ZEB1: variants seen among roughly 807,000 people sequenced by gnomAD.
The protein encoded by ZEB1 is zinc finger E-box binding homeobox 1.
In ZEB1, 21 loss-of-function variants were observed where a neutral mutation model predicts 84.9. The ratio of observed to expected loss-of-function variants is 0.25; its 90% CI spans 0.18 to 0.36. The LOEUF is 0.36. Ranked by LOEUF, ZEB1 falls within the 10% of genes least tolerant of loss-of-function variation. The pLI, the probability that ZEB1 is intolerant of heterozygous loss-of-function variation, is 1.00. For synonymous variants in ZEB1, 420 were observed against 471.1 expected (o/e 0.89, Z 1.41); for missense variants, 1,104 against 1,330.2 (o/e 0.83, Z 2.65).
chr10:31,397,096 A>G (rs1320973028), intron 1 of ZEB1, among the ~76,000 whole-genome samples: 1 of 147,128 alleles, frequency 6.8e-6, no homozygotes, highest in African/African-American at 2.5e-5. Flanking sequence ...GCTCACTGCA[A>G]CCTCCACCTC....
At chr10:31,425,492 A>G (rs2056810632) in intron 1 of ZEB1, among the ~76,000 whole-genome samples, 1 of 152,106 alleles carries the variant, frequency 6.6e-6, no homozygotes, top group Non-Finnish European at 1.5e-5. Context: ...TAGACAACAA[A>G]GGTTAGAGAA....
At chr10:31,454,210 C>T (rs942672452) in intron 1 of ZEB1, among the ~76,000 whole-genome samples, 2 of 152,044 alleles carry the variant, frequency 1.3e-5, no homozygotes, top group African/African-American at 4.8e-5. Context: ...AATTCAACAC[C>T]CCTTCATGCT....
At chr10:31,417,964 C>G (rs1207796148) in intron 1 of ZEB1, among the ~76,000 whole-genome samples, 1 of 151,948 alleles carries the variant, frequency 6.6e-6, no homozygotes, top group Non-Finnish European at 1.5e-5. Flanking sequence ...CAGGTAAATA[C>G]AAGAGTATAG....
intron 1 of ZEB1, among the ~76,000 whole-genome samples, chr10:31,346,576 T>A (rs2040352172): frequency 6.6e-6 from 1 of 152,052 alleles, no homozygotes; most frequent in African/African-American, 2.4e-5. Context: ...TTTTTTTTCT[T>A]TTTGAGATAG....
At chr10:31,517,801 T>A (rs2071436635) in intron 6 of ZEB1, among the ~76,000 whole-genome samples, 1 of 152,190 alleles carries the variant, frequency 6.6e-6, no homozygotes, top group Non-Finnish European at 1.5e-5. Context: ...TAGCTATGTA[T>A]AGCCACATGT....
chr10:31,448,019 G>A (rs1421645504), intron 1 of ZEB1, among the ~76,000 whole-genome samples: 22 of 150,246 alleles, frequency 1.5e-4, no homozygotes, highest in African/African-American at 5.4e-4. Context: ...TTCCAACTTG[G>A]TTCCATTCTC....
At chr10:31,350,018 C>G (rs2041044390) in intron 1 of ZEB1, among the ~76,000 whole-genome samples, 2 of 152,012 alleles carry the variant, frequency 1.3e-5, no homozygotes, top group Admixed American at 1.3e-4. Flanking sequence ...AGCTTTTTCC[C>G]TATGTTTTCT....
chr10:31,319,354 C>T, intron 1 of ZEB1, 62 bp downstream of exon 1: 1 of 1,547,156 alleles, frequency 6.5e-7, no homozygotes, highest in Non-Finnish European at 8.8e-7. Flanking sequence ...CCGGGGCGCC[C>T]CCGGGGGTGA....
chr10:31,334,407 A>G (rs905364535), intron 1 of ZEB1, among the ~76,000 whole-genome samples: 28 of 152,126 alleles, frequency 1.8e-4, no homozygotes, highest in Non-Finnish European at 4.0e-4. Context: ...GGATCAAAGA[A>G]AAACTTGTAA....
rs571716700 is a variant in ZEB1 at position 31,414,528 on chromosome 10, G to A, written c.59-46509G>A. Reference sequence around the variant, plus strand: ...TACTTTAAAATAAATTTGAAAATTAGAGGGGCTACTACATGCAACTGATTA... The same window carrying A: ...TACTTTAAAATAAATTTGAAAATTAAAGGGGCTACTACATGCAACTGATTA... On this transcript the variant is annotated intron_variant, in intron 1 of 8. Coordinates refer to ENST00000424869, the MANE Select transcript of ZEB1 (RefSeq NM_001174096.2). 5.9e-5 allele frequency among the ~76,000 whole-genome samples: 9 copies of A among 152,158 alleles called. No individual in the cohort carries two copies. In the East Asian group the frequency reaches 1.7e-3, roughly 29 times the overall value.
At chr10:31,504,613 GTCT>G (rs1363036203) in intron 4 of ZEB1, among the ~76,000 whole-genome samples, 1 of 151,960 alleles carries the variant, frequency 6.6e-6, no homozygotes, top group Non-Finnish European at 1.5e-5. Context: ...ATTTACTTGT[GTCT>G]TCTTCAATTT....
At chr10:31,331,077 C>CTTT (rs1238584690) in intron 1 of ZEB1, among the ~76,000 whole-genome samples, 23 of 89,020 alleles carry the variant, frequency 2.6e-4, no homozygotes, top group African/African-American at 7.5e-4. Context: ...TTTTTTCTTT[C>CTTT]TTTCTTTTTT....
intron 1 of ZEB1, chr10:31,320,801 C>T (rs1353376221): frequency 1.3e-5 from 2 of 152,204 alleles, no homozygotes; most frequent in Non-Finnish European, 2.9e-5. Flanking sequence ...TGGACAGTTC[C>T]TGTGGCGAGA....
At chr10:31,331,161 A>G (rs1029716713) in intron 1 of ZEB1, among the ~76,000 whole-genome samples, 4 of 126,722 alleles carry the variant, frequency 3.2e-5, no homozygotes, top group Non-Finnish European at 6.1e-5. Flanking sequence ...ATCTCGGTTC[A>G]CTGCAACCTC....
intron 1 of ZEB1, among the ~76,000 whole-genome samples, chr10:31,406,640 G>A (rs2053121180): frequency 6.6e-6 from 1 of 152,008 alleles, no homozygotes; most frequent in South Asian, 2.1e-4. Context: ...CATTCTCTCA[G>A]TTGCCTGTTC....
intron 1 of ZEB1, among the ~76,000 whole-genome samples, chr10:31,442,278 A>G (rs1192815385): frequency 6.6e-6 from 1 of 152,168 alleles, no homozygotes; most frequent in Admixed American, 6.5e-5. Flanking sequence ...TGAAGCTGGA[A>G]ACCATCATTC....
intron 1 of ZEB1, among the ~76,000 whole-genome samples, chr10:31,429,733 CTTTTTTTTTTTTT>C (rs35031058): frequency 1.3e-5 from 1 of 79,542 alleles, no homozygotes; most frequent in Non-Finnish European, 2.3e-5. Context: ...ACAGGCAGAA[CTTTTTTTTTTTTT>C]TTTTTTTTTT....
chr10:31,506,908 T>C (rs1215067166), intron 4 of ZEB1, among the ~76,000 whole-genome samples: 1 of 152,160 alleles, frequency 6.6e-6, no homozygotes, highest in African/African-American at 2.4e-5. Context: ...TTCTTATTTG[T>C]ACTTGTTCTA....
chr10:31,330,889 G>A (rs1301767153), intron 1 of ZEB1, among the ~76,000 whole-genome samples: 4 of 151,284 alleles, frequency 2.6e-5, no homozygotes, highest in Non-Finnish European at 4.4e-5. Context: ...TTCGTTATAA[G>A]TAACCTGTGC....
Sources: gnomAD v4.1 joint callset for allele counts (sites outside exome capture counted in the v4.1 genomes callset) on GRCh38, gnomAD v4.1.1 for gene constraint, MANE v1.5 for transcripts, NCBI Gene and HGNC (gene_info 2026-07-23, HGNC 2026-07-21) for gene names.